Variants in GRIK1 observed in about 807,000 individuals in gnomAD.
The protein encoded by GRIK1 is glutamate ionotropic receptor kainate type subunit 1, also known as glutamate receptor ionotropic, kainate 1.
A neutral mutation model predicts 105.7 loss-of-function variants in GRIK1; 69 were observed. The ratio of observed to expected loss-of-function variants is 0.65; its 90% CI spans 0.54 to 0.80. The LOEUF is 0.80. Ranked by LOEUF, GRIK1 falls within the 30% of genes least tolerant of loss-of-function variation. The pLI, the probability that GRIK1 is intolerant of heterozygous loss-of-function variation, is 0.00. For missense variants in GRIK1, 1,109 were observed against 1,167.3 expected, an observed-to-expected ratio of 0.95 and a Z score of 0.73; for synonymous variants, 438 against 431.3, an observed-to-expected ratio of 1.02 and a Z score of -0.19.
chr21:29,692,207 C>T (rs911276299), intron 2 of GRIK1, among the ~76,000 whole-genome samples: 1 of 152,188 alleles, frequency 6.6e-6, no homozygotes, highest in East Asian at 1.9e-4. Context: ...GACAAGTAAG[C>T]CAGGTACTTC....
intron 9 of GRIK1, among the ~76,000 whole-genome samples, chr21:29,591,617 C>T (rs371421165): frequency 6.6e-6 from 1 of 152,118 alleles, no homozygotes; most frequent in Non-Finnish European, 1.5e-5. Context: ...ATAAAATATA[C>T]AAGAGTTTCT....
At chr21:29,748,675 T>A (rs576163410) in intron 1 of GRIK1, among the ~76,000 whole-genome samples, 1 of 152,252 alleles carries the variant, frequency 6.6e-6, no homozygotes, top group Admixed American at 6.5e-5. Flanking sequence ...TGAGATTGTG[T>A]GTTCTGGGCC....
At chr21:29,820,580 C>T (rs2067273461) in intron 1 of GRIK1, among the ~76,000 whole-genome samples, 1 of 152,008 alleles carries the variant, frequency 6.6e-6, no homozygotes, top group African/African-American at 2.4e-5. Flanking sequence ...GCAGGAAAAT[C>T]ACTGCAAGAG....
chr21:29,800,237 T>C lies in GRIK1; in HGVS notation c.119-106174A>G, dbSNP rs966893654. ...GCCCTTTAGCTGCTCCCTCTAGGCATGCAACAATTCAATGCTACCAGGCAT... is the reference window on the plus strand; with the variant it reads ...GCCCTTTAGCTGCTCCCTCTAGGCACGCAACAATTCAATGCTACCAGGCAT... On this transcript the variant is annotated intron_variant, in intron 1 of 17. Coordinates refer to ENST00000327783, the MANE Select transcript of GRIK1 (RefSeq NM_001330994.2). Among the ~76,000 whole-genome samples, 22 of 152,164 alleles carry C rather than the reference T, an allele frequency of 1.4e-4. 1 individual carries two copies. Among genetic ancestry groups the C allele is most frequent in the Non-Finnish European group, 5.9e-5 (4 of 68,022 alleles).
intron 1 of GRIK1, among the ~76,000 whole-genome samples, chr21:29,916,984 C>T (rs1457119761): frequency 6.6e-6 from 1 of 151,948 alleles, no homozygotes; most frequent in African/African-American, 2.4e-5. Flanking sequence ...ACATCACAGT[C>T]TCAATTCTCT....
At chr21:29,712,081 C>CAT (rs201419231) in intron 1 of GRIK1, among the ~76,000 whole-genome samples, 3,757 of 116,786 alleles carry the variant, frequency 0.032, 104 homozygotes, top group Admixed American at 0.09. Flanking sequence ...TGTATACATA[C>CAT]ATACACACAC....
At chr21:29,633,543 G>C (rs937227545) in intron 7 of GRIK1, among the ~76,000 whole-genome samples, 1 of 151,704 alleles carries the variant, frequency 6.6e-6, no homozygotes, top group African/African-American at 2.4e-5. Context: ...ATAAATTTCT[G>C]TTCTTTATAA....
At position 29,766,084 on chromosome 21, in the gene GRIK1, C is replaced by T. The variant is rs143581450; in HGVS notation, c.119-72021G>A. Among the ~76,000 whole-genome samples, 296 of 152,150 alleles carry T rather than the reference C, an allele frequency of 1.9e-3. 1 individual carries two copies. Among genetic ancestry groups the T allele is most frequent in the African/African-American group, 6.6e-3 (275 of 41,502 alleles). ...CAGGTTGGTCTCGATCTCCTGACTT[C>T]GTGATCCGGCCGCCTTGGCCTCCAA... On this transcript the variant is annotated intron_variant, in intron 1 of 17. Coordinates refer to ENST00000327783, the MANE Select transcript of GRIK1 (RefSeq NM_001330994.2).
intron 1 of GRIK1, among the ~76,000 whole-genome samples, chr21:29,802,791 C>T (rs1400649468): frequency 1.3e-5 from 2 of 152,158 alleles, no homozygotes; most frequent in East Asian, 1.9e-4. Flanking sequence ...ACCAATCTAG[C>T]TCACATAAAG....
Position 29,939,581 on chromosome 21 carries a change from G to A in GRIK1, c.-81C>T. On this transcript the variant is annotated 5_prime_UTR_variant, in exon 1 of 18. Transcript: ENST00000327783. ...TGCACCCAACTTGGGCCGGGTCCCCGCCTCATCCTCTCTGGATGCTCCGGT... is the reference window on the plus strand; with the variant it reads ...TGCACCCAACTTGGGCCGGGTCCCCACCTCATCCTCTCTGGATGCTCCGGT... 1 of 823,446 alleles carries A rather than the reference G, an allele frequency of 1.2e-6. No homozygotes were observed. Among genetic ancestry groups the A allele is most frequent in the Non-Finnish European group, 1.9e-6 (1 of 524,252 alleles). The allele number at this position is 823,446 out of a possible 1,614,324, so 51.0% of individuals were successfully genotyped here. A position where few individuals can be genotyped will look rare whatever the true frequency, so the allele number is the denominator to read the frequency against.
intron 1 of GRIK1, among the ~76,000 whole-genome samples, chr21:29,936,956 C>CTAG (rs1488737903): frequency 6.6e-6 from 1 of 152,162 alleles, no homozygotes; most frequent in Admixed American, 6.5e-5. Flanking sequence ...AGTTAATAAT[C>CTAG]TAGAGACCCT....
chr21:29,560,568 CTTTCTTTCTCTCTT>C (rs2090449085), intron 15 of GRIK1, among the ~76,000 whole-genome samples: 1 of 104,680 alleles, frequency 9.6e-6, no homozygotes, highest in Non-Finnish European at 1.9e-5. Context: ...TTCTTTCTTT[CTTTCTTTCTCTCTT>C]TCTTTCTTTC....
chr21:29,673,724 A>G (rs189431572), intron 3 of GRIK1, among the ~76,000 whole-genome samples: 69 of 152,356 alleles, frequency 4.5e-4, no homozygotes, highest in African/African-American at 1.6e-3. Context: ...TCTTGCTAAT[A>G]TATTTGAATG....
chr21:29,938,094 A>G (rs943508262), intron 1 of GRIK1, among the ~76,000 whole-genome samples: 15 of 152,226 alleles, frequency 9.9e-5, no homozygotes, highest in African/African-American at 3.4e-4. Flanking sequence ...GTGATTAAAA[A>G]ATAAAACCTA....
chr21:29,637,265 G>T (rs2062415150), intron 7 of GRIK1, among the ~76,000 whole-genome samples: 4 of 152,158 alleles, frequency 2.6e-5, no homozygotes, highest in Admixed American at 2.6e-4. Context: ...CCCCTGATTA[G>T]AAACCTTCTT....
At chr21:29,873,831 C>T (rs1036247583) in intron 1 of GRIK1, among the ~76,000 whole-genome samples, 5 of 152,120 alleles carry the variant, frequency 3.3e-5, no homozygotes, top group Admixed American at 2.6e-4. Flanking sequence ...AGTGGTCTCC[C>T]GCCTTTTTGG....
intron 1 of GRIK1, among the ~76,000 whole-genome samples, chr21:29,754,155 C>A (rs1364816652): frequency 2.0e-5 from 3 of 152,028 alleles, no homozygotes; most frequent in Admixed American, 2.0e-4. Flanking sequence ...AGTAAAATAC[C>A]AATCAGCAAT....
chr21:29,588,894 C>T lies in GRIK1; in HGVS notation c.1514G>A (p.Gly505Glu). ...CCACTCCCCTTTGTCATTCTGGGCC[C>T]CATATTTGCCATCGGGAACTAGTTT... ...DVKLVPDGKY[G>E]AQNDKGEWNG... Residue 505 changes from glycine (G) to glutamate (E), a missense_variant, in exon 11 of 18, where the codon GGG becomes GAG. Transcript: ENST00000327783. 1 of 1,610,636 alleles carries T rather than the reference C, an allele frequency of 6.2e-7. No individual in the cohort carries two copies. The highest frequency in any genetic ancestry group is 8.5e-7 in the Non-Finnish European group (1 of 1,176,844).
At chr21:29,667,199 T>C (rs1229237692) in intron 4 of GRIK1, among the ~76,000 whole-genome samples, 1 of 152,208 alleles carries the variant, frequency 6.6e-6, no homozygotes, top group Non-Finnish European at 1.5e-5. Context: ...TTTTCTATAG[T>C]GAGAGATCAC....
Sources: gnomAD v4.1 joint callset for allele counts (sites outside exome capture counted in the v4.1 genomes callset) on GRCh38, gnomAD v4.1.1 for gene constraint, MANE v1.5 for transcripts, NCBI Gene and HGNC (gene_info 2026-07-23, HGNC 2026-07-21) for gene names.